The following TRIM58 variants were observed in gnomAD, a reference collection of about 807,000 sequenced individuals.
TRIM58 encodes the protein tripartite motif containing 58.
A neutral mutation model predicts 34.1 loss-of-function variants in TRIM58; 38 were observed. The ratio of observed to expected loss-of-function variants is 1.12; its 90% CI spans 0.86 to 1.46. TRIM58 has a LOEUF of 1.46. Among genes scored for constraint, TRIM58 ranks in the 40% most tolerant of loss-of-function variants. The probability of loss-of-function intolerance (pLI) is 0.00; values close to 1 mark genes in which losing one functional copy is unlikely to be tolerated. For synonymous variants in TRIM58, 273 were observed against 275.7 expected (o/e 0.99, Z 0.10); for missense variants, 677 against 642.0 (o/e 1.05, Z -0.59).
At chr1:247,874,947 G>A (rs1285397934) in intron 5 of TRIM58, among the ~76,000 whole-genome samples, 1 of 152,178 alleles carries the variant, frequency 6.6e-6, no homozygotes, top group Non-Finnish European at 1.5e-5. Flanking sequence ...GCTGTTGGTT[G>A]GGGGCTATTC....
rs1330713522 is a variant in TRIM58 at position 247,878,686 on chromosome 1, TGGGTGGGAGGGA to T, written c.*2199_*2210del. 6.6e-6 allele frequency among the ~76,000 whole-genome samples: 1 copy of T among 152,168 alleles called. No homozygotes were observed. The highest frequency in any genetic ancestry group is 1.5e-5 in the Non-Finnish European group (1 of 68,024). The stretch of plus-strand genomic sequence containing the variant: ...CCCATTCAGTGAGACGGGGAAGCCC[TGGGTGGGAGGGA>T]GAACACCTCCACATGTCTTCTACTC... On this transcript the variant is annotated 3_prime_UTR_variant, in exon 6 of 6. Transcript: ENST00000366481.
Position 247,857,411 on chromosome 1 carries a change from C to T in TRIM58, c.165C>T (p.Tyr55=). The change falls in exon 1 of 6, where the codon TAC becomes TAT. Residue 55 remains tyrosine (Y), a synonymous_variant. Transcript: ENST00000366481. ...EKSDGAQGGV[Y]ACPQCRGPFR... ...CGGACGGCGCGCAGGGCGGCGTCTA[C>T]GCCTGTCCGCAGTGCCGGGGCCCCT... 6.6e-7 allele frequency: 1 copy of T among 1,506,234 alleles called. No individual in the cohort carries two copies. The allele number at this position is 1,506,234 out of a possible 1,614,324, so 93.3% of individuals were successfully genotyped here. A position where few individuals can be genotyped will look rare whatever the true frequency, so the allele number is the denominator to read the frequency against.
At chr1:247,859,775 TAGAG>T (rs930017466) in intron 1 of TRIM58, among the ~76,000 whole-genome samples, 1 of 151,828 alleles carries the variant, frequency 6.6e-6, no homozygotes, top group African/African-American at 2.4e-5. Flanking sequence ...TACAGTTATA[TAGAG>T]AAATATATAA....
chr1:247,868,838 T>C (rs1663993258), intron 5 of TRIM58, among the ~76,000 whole-genome samples: 1 of 152,140 alleles, frequency 6.6e-6, no homozygotes, highest in Non-Finnish European at 1.5e-5. Context: ...TCCACGCCCT[T>C]TCTAGGCCTG....
At chr1:247,867,690 CA>C (rs113791151) in intron 3 of TRIM58, among the ~76,000 whole-genome samples, 154 bp from the exon 4 acceptor site, 13 of 147,324 alleles carry the variant, frequency 8.8e-5, no homozygotes, top group South Asian at 2.2e-4. Flanking sequence ...AACTCCATCT[CA>C]AAAAAAAAAT....
intron 1 of TRIM58, among the ~76,000 whole-genome samples, chr1:247,858,857 T>A (rs1475270133): frequency 2.8e-5 from 4 of 140,834 alleles, no homozygotes; most frequent in Non-Finnish European, 4.5e-5. Flanking sequence ...GTCTCCCGGG[T>A]CCTGGTGCAA....
rs1663668530 is a variant in TRIM58, at chr1:247,857,628, C to G, written c.382C>G (p.Arg128Gly). 2.4e-6 allele frequency: 3 copies of G among 1,241,392 alleles called. No individual in the cohort carries two copies. The highest frequency in any genetic ancestry group is 3.0e-6 in the Non-Finnish European group (3 of 993,672). The allele number at this position is 1,241,392 out of a possible 1,614,324, so 76.9% of individuals were successfully genotyped here. ...CDAGPEHRTH[R>G]TAPLQEAAGS... ...CGCCGGCCCCGAGCACAGGACGCACCGCACGGCGCCGCTGCAGGAGGCCGC... is the reference window on the plus strand; with the variant it reads ...CGCCGGCCCCGAGCACAGGACGCACGGCACGGCGCCGCTGCAGGAGGCCGC... Residue 128 changes from arginine (R) to glycine (G), a missense_variant, in exon 1 of 6, where the codon CGC (arginine) becomes GGC (glycine). Arg to Gly is a moderately radical substitution (Grantham distance 125, BLOSUM62 -2). Transcript: ENST00000366481.
chr1:247,873,965 C>CAA (rs374244350), intron 5 of TRIM58, among the ~76,000 whole-genome samples: 1 of 141,952 alleles, frequency 7.0e-6, no homozygotes, highest in African/African-American at 2.6e-5. Context: ...GACTCCGTTT[C>CAA]AAAAAAAAAA....
chr1:247,859,538 T>G (rs1370032384), intron 1 of TRIM58, among the ~76,000 whole-genome samples: 1 of 152,174 alleles, frequency 6.6e-6, no homozygotes, highest in African/African-American at 2.4e-5. Flanking sequence ...AAAATACACA[T>G]ATTTACCTCT....
intron 3 of TRIM58, among the ~76,000 whole-genome samples, chr1:247,866,112 T>C (rs76424441): frequency 0.02 from 3,056 of 152,116 alleles, 84 homozygotes; most frequent in African/African-American, 0.066. Context: ...AAACTAAGAG[T>C]CAGAAAGGAA....
intron 5 of TRIM58, among the ~76,000 whole-genome samples, chr1:247,874,704 A>C (rs1390222198): frequency 6.6e-6 from 1 of 152,104 alleles, no homozygotes; most frequent in Non-Finnish European, 1.5e-5. Context: ...CTACAAGCTT[A>C]TGTGCTTAAA....
chr1:247,871,357 T>C (rs1282151508), intron 5 of TRIM58, among the ~76,000 whole-genome samples: 4 of 152,226 alleles, frequency 2.6e-5, no homozygotes, highest in Non-Finnish European at 5.9e-5. Flanking sequence ...GCCAAAAATA[T>C]TGTCAGTTAT....
intron 2 of TRIM58, among the ~76,000 whole-genome samples, chr1:247,861,030 T>C (rs1046326216): frequency 1.3e-5 from 2 of 152,230 alleles, no homozygotes; most frequent in Non-Finnish European, 1.5e-5. Flanking sequence ...TTTGAAAATA[T>C]TTGTTAGGTG....
At chr1:247,859,193 T>C (rs2103320195) in intron 1 of TRIM58, among the ~76,000 whole-genome samples, 1 of 152,304 alleles carries the variant, frequency 6.6e-6, no homozygotes, top group South Asian at 2.1e-4. Flanking sequence ...AGCTCTCTTG[T>C]CTTAACCAGC....
chr1:247,866,202 G>A (rs1034553610), intron 3 of TRIM58, among the ~76,000 whole-genome samples: 3 of 151,726 alleles, frequency 2.0e-5, no homozygotes, highest in South Asian at 4.2e-4. Context: ...ACAGAGTCTC[G>A]CTCTGTTGCC....
At chr1:247,866,756 C>T (rs975228465) in intron 3 of TRIM58, among the ~76,000 whole-genome samples, 1 of 152,056 alleles carries the variant, frequency 6.6e-6, no homozygotes, top group African/African-American at 2.4e-5. Flanking sequence ...GTGTGCACCA[C>T]CACGCCCAGC....
At chr1:247,860,933 T>G (rs114555187) in intron 2 of TRIM58, among the ~76,000 whole-genome samples, 2,161 of 152,298 alleles carry the variant, frequency 0.014, 50 homozygotes, top group African/African-American at 0.049. Flanking sequence ...AAATTATAAT[T>G]AAATAGCTTT....
intron 2 of TRIM58, among the ~76,000 whole-genome samples, chr1:247,861,313 G>T (rs1478163117): frequency 6.6e-6 from 1 of 151,908 alleles, no homozygotes; most frequent in Non-Finnish European, 1.5e-5. Flanking sequence ...AACCTGAGGC[G>T]ATACCTGCCC....
At chr1:247,864,418 C>T (rs1663868714) in intron 2 of TRIM58, among the ~76,000 whole-genome samples, 1 of 152,140 alleles carries the variant, frequency 6.6e-6, no homozygotes, top group Non-Finnish European at 1.5e-5. Flanking sequence ...CAAAACCTCA[C>T]ATTTTGTATA....
Sources: allele counts gnomAD v4.1 joint callset (sites outside exome capture counted in the v4.1 genomes callset), GRCh38; gene constraint gnomAD v4.1.1; transcripts MANE v1.5; gene names NCBI Gene and HGNC (gene_info 2026-07-23, HGNC 2026-07-21).